PPM1H: variants seen among roughly 807,000 people sequenced by gnomAD.
The protein encoded by PPM1H is protein phosphatase, Mg2+/Mn2+ dependent 1H.
PPM1H carries 27 observed loss-of-function variants against 54.9 expected under a neutral mutation model. That is an observed-to-expected ratio of 0.49 (90% CI 0.36 to 0.68). PPM1H has a LOEUF of 0.68. PPM1H is among the 30% of genes least tolerant of loss of function. PPM1H has a pLI of 0.00. For missense variants in PPM1H, 596 were observed against 667.8 expected, an observed-to-expected ratio of 0.89 and a Z score of 1.19; for synonymous variants, 305 against 270.8, an observed-to-expected ratio of 1.13 and a Z score of -1.24.
chr12:62,780,537 C>T (rs2076635822), intron 4 of PPM1H, among the ~76,000 whole-genome samples: 1 of 152,138 alleles, frequency 6.6e-6, no homozygotes, highest in African/African-American at 2.4e-5. Context: ...AAGTCCTGGG[C>T]TCAAATGATC....
In PPM1H at chr12:62,802,119, G is replaced by T. The variant is rs781335676; in HGVS notation, c.453C>A (p.Asp151Glu). ...GVSCHYWSLF[D>E]GHAGSGAAVV... ...CCGCGGCCCCGGACCCCGCGTGCCC[G>T]TCAAACAGCGACCAATAGTGGCAGG... is the stretch of plus-strand genomic sequence containing the variant. Residue 151 changes from aspartate (D) to glutamate (E), a missense_variant, in exon 3 of 10, where the codon GAC (aspartate) becomes GAA (glutamate). Asp to Glu is a conservative substitution (Grantham distance 45). Around this residue, in one of 3 missense-constraint regions of PPM1H, gnomAD observed 382 missense variants for 387.1 expected, o/e 0.99. Transcript: ENST00000228705. 1.3e-6 allele frequency: 2 copies of T among 1,590,370 alleles called. No individual in the cohort carries two copies. The highest frequency in any genetic ancestry group is 1.7e-6 in the Non-Finnish European group (2 of 1,167,260).
intron 4 of PPM1H, among the ~76,000 whole-genome samples, chr12:62,769,498 A>G (rs866396199): frequency 6.6e-6 from 1 of 152,244 alleles, no homozygotes; most frequent in Non-Finnish European, 1.5e-5. Context: ...CCTGCTCATA[A>G]GCTAAAGAAT....
intron 2 of PPM1H, among the ~76,000 whole-genome samples, chr12:62,822,864 G>A (rs1202049924): frequency 6.6e-6 from 1 of 152,096 alleles, no homozygotes; most frequent in East Asian, 1.9e-4. Context: ...ACATTCAAAA[G>A]CTAGCAGAAG....
intron 1 of PPM1H, among the ~76,000 whole-genome samples, chr12:62,851,955 C>A (rs76384508): frequency 6.7e-6 from 1 of 148,726 alleles, no homozygotes; most frequent in African/African-American, 2.5e-5. Context: ...TTTGGATGGC[C>A]GGGCGCGGTG....
intron 8 of PPM1H, among the ~76,000 whole-genome samples, chr12:62,670,864 C>G (rs955929631): frequency 6.6e-6 from 1 of 152,170 alleles, no homozygotes; most frequent in African/African-American, 2.4e-5. Flanking sequence ...TTACAACCAC[C>G]CTCTGTTTCC....
chr12:62,664,128 T>G (rs2075903378), intron 9 of PPM1H, among the ~76,000 whole-genome samples: 1 of 152,206 alleles, frequency 6.6e-6, no homozygotes, highest in African/African-American at 2.4e-5. Context: ...TTTCTTTTCT[T>G]CTCTGTTTCC....
chr12:62,811,229 T>C (rs529239576), intron 2 of PPM1H, among the ~76,000 whole-genome samples: 8 of 152,180 alleles, frequency 5.3e-5, no homozygotes, highest in Admixed American at 2.0e-4. Context: ...CGCATTAAAA[T>C]TCATACAACT....
intron 5 of PPM1H, among the ~76,000 whole-genome samples, chr12:62,736,504 T>C (rs1254051345): frequency 1.3e-5 from 2 of 152,196 alleles, no homozygotes; most frequent in Non-Finnish European, 2.9e-5. Context: ...ATTCCTGCTG[T>C]CTTATACACC....
chr12:62,767,206 G>A (rs769769533), intron 4 of PPM1H, among the ~76,000 whole-genome samples: 9 of 152,142 alleles, frequency 5.9e-5, no homozygotes, highest in Non-Finnish European at 1.3e-4. Flanking sequence ...GGGCAACATC[G>A]GGATGTGAGT....
At chr12:62,649,947 C>T (rs2075806682) in intron 9 of PPM1H, among the ~76,000 whole-genome samples, 1 of 152,126 alleles carries the variant, frequency 6.6e-6, no homozygotes, top group South Asian at 2.1e-4. Context: ...CCGTATAAGT[C>T]CTCTTGGAAG....
intron 4 of PPM1H, among the ~76,000 whole-genome samples, chr12:62,758,106 T>C (rs1409829874): frequency 6.6e-6 from 1 of 152,254 alleles, no homozygotes. Context: ...TAATGTACCA[T>C]AATTACAATT....
intron 1 of PPM1H, among the ~76,000 whole-genome samples, chr12:62,894,410 G>C (rs1870909053): frequency 6.6e-6 from 1 of 152,248 alleles, no homozygotes; most frequent in African/African-American, 2.4e-5. Flanking sequence ...GTGTTAACAA[G>C]GAACTCTCCT....
intron 1 of PPM1H, among the ~76,000 whole-genome samples, chr12:62,893,235 A>C (rs1870862454): frequency 6.6e-6 from 1 of 152,220 alleles, no homozygotes; most frequent in East Asian, 1.9e-4. Context: ...GGTTGCCTTA[A>C]CAAAATACCA....
chr12:62,728,812 A>C (rs2076304295), intron 5 of PPM1H, among the ~76,000 whole-genome samples: 1 of 152,202 alleles, frequency 6.6e-6, no homozygotes, highest in African/African-American at 2.4e-5. Flanking sequence ...GGAGAAGTCT[A>C]AGGTGACCAG....
At chr12:62,852,516 G>C (rs1263213361) in intron 1 of PPM1H, among the ~76,000 whole-genome samples, 1 of 152,090 alleles carries the variant, frequency 6.6e-6, no homozygotes, top group African/African-American at 2.4e-5. Flanking sequence ...CTTTGTTACA[G>C]CAGCCCAGAC....
At chr12:62,732,613 C>T (rs7954555) in intron 5 of PPM1H, among the ~76,000 whole-genome samples, 17,190 of 150,458 alleles carry the variant, frequency 0.11, 1,036 homozygotes, top group East Asian at 0.22. Flanking sequence ...TCTCTGTCAC[C>T]CAGGCTGGAG....
chr12:62,775,314 C>T (rs113445379), intron 4 of PPM1H, among the ~76,000 whole-genome samples: 3,185 of 152,284 alleles, frequency 0.021, 110 homozygotes, highest in African/African-American at 0.073. Flanking sequence ...GCTTCACAGT[C>T]CCTCAGAGCA....
rs1316812164 is a variant in PPM1H, at chr12:62,854,824, TA to T, written c.246-22546del. ...AGGCAGAATGACACAAAAGCAATAT[TA>T]AAAAAAAACATAAAAATAAAAAATT... is the stretch of plus-strand genomic sequence containing the variant. On this transcript the variant is annotated intron_variant, in intron 1 of 9. Transcript: ENST00000228705. Among the ~76,000 whole-genome samples the T allele has an allele frequency of 3.8e-4, 57 of 151,058 alleles. No homozygotes were observed. In the East Asian group the frequency reaches 3.9e-3, roughly 10 times the overall value.
chr12:62,687,900 T>G (rs1197631903), intron 8 of PPM1H, among the ~76,000 whole-genome samples: 2 of 151,234 alleles, frequency 1.3e-5, no homozygotes, highest in Admixed American at 6.6e-5. Context: ...TCCCAGCTAC[T>G]TGGGAGGCTG....
Sources: allele counts gnomAD v4.1 joint callset (sites outside exome capture counted in the v4.1 genomes callset), GRCh38; gene constraint gnomAD v4.1.1; regional missense constraint gnomAD v4.1.1; transcripts MANE v1.5; gene names NCBI Gene and HGNC (gene_info 2026-07-23, HGNC 2026-07-21).